The following HERC5 variants were observed in gnomAD, a reference collection of about 807,000 sequenced individuals.
HERC5 encodes HECT and RLD domain containing E3 ubiquitin protein ligase 5.
A neutral mutation model predicts 119.6 loss-of-function variants in HERC5; 99 were observed. The observed-to-expected ratio is 0.83, with a 90% CI of 0.70 to 0.98. The LOEUF is 0.98. Among genes scored for constraint, HERC5 ranks in the 50% least tolerant of loss-of-function variants. The pLI, the probability that HERC5 is intolerant of heterozygous loss-of-function variation, is 0.00. For synonymous variants in HERC5, 478 were observed against 445.9 expected (o/e 1.07, Z -0.91); for missense variants, 1,267 against 1,241.3 (o/e 1.02, Z -0.31).
At chr4:88,473,885 A>G (rs556705151) in intron 11 of HERC5, 2 of 152,304 alleles carry the variant, frequency 1.3e-5, no homozygotes, top group Non-Finnish European at 2.9e-5. Flanking sequence ...CAAAAAGAAC[A>G]TATGGTATGT....
intron 3 of HERC5, among the ~76,000 whole-genome samples, chr4:88,460,996 A>G (rs1404288823): frequency 1.3e-5 from 2 of 152,290 alleles, no homozygotes; most frequent in Admixed American, 1.3e-4. Flanking sequence ...TCTCAAAAAA[A>G]AAGAAACTTA....
chr4:88,472,416 A>G lies in HERC5; in HGVS notation c.1306A>G (p.Thr436Ala). ...TGSFLRKRRT[T>A]EMMPVYLDLN... ...TTTATCTTTCTTCTACAGAAGAACT[A>G]CAGAAATGATGCCTGTTTATTTGGA... The change falls in exon 11 of 23, where the codon ACA becomes GCA. Residue 436 changes from threonine to alanine, a missense_variant. Transcript: ENST00000264350. 1 of 1,572,284 alleles carries G rather than the reference A, an allele frequency of 6.4e-7. No homozygotes were observed. The highest frequency in any genetic ancestry group is 8.7e-7 in the Non-Finnish European group (1 of 1,146,472).
intron 5 of HERC5, 84 bp from the exon 6 acceptor site, chr4:88,463,767 CTATT>C: frequency 6.8e-7 from 1 of 1,469,374 alleles, no homozygotes; most frequent in Non-Finnish European, 9.4e-7. Context: ...TTTGACAGTG[CTATT>C]TATTAGTGAT....
In HERC5 at chr4:88,457,412, G is replaced by C; in HGVS notation, c.143G>C (p.Arg48Pro). Reference protein sequence around the residue: ...SAAGLHRALLRRVEVTRQLCC... With the variant: ...SAAGLHRALLPRVEVTRQLCC... ...GCGGGCCTCCACCGCGCGCTGCTCCGGAGGGTGGAGGTGACGCGCCAACTC... is the reference window on the plus strand; with the variant it reads ...GCGGGCCTCCACCGCGCGCTGCTCCCGAGGGTGGAGGTGACGCGCCAACTC... Residue 48 changes from arginine to proline, a missense_variant, in exon 1 of 23, where the codon CGG becomes CCG. Physicochemically the swap from Arg to Pro is moderately radical, Grantham distance 103. Transcript: ENST00000264350. 2 of 1,378,668 alleles carry C rather than the reference G, an allele frequency of 1.5e-6. No homozygotes were observed. Among genetic ancestry groups the C allele is most frequent in the Non-Finnish European group, 1.9e-6 (2 of 1,069,082 alleles). The allele number at this position is 1,378,668 out of a possible 1,614,324, so 85.4% of individuals were successfully genotyped here. A position where few individuals can be genotyped will look rare whatever the true frequency, so the allele number is the denominator to read the frequency against.
At chr4:88,491,508 G>A (rs530601685) in intron 16 of HERC5, among the ~76,000 whole-genome samples, 66 of 152,272 alleles carry the variant, frequency 4.3e-4, no homozygotes, top group African/African-American at 1.4e-3. Context: ...AAATAAAACC[G>A]TGAAGAGTGC....
At chr4:88,503,108 G>A (rs1236842863) in intron 20 of HERC5, among the ~76,000 whole-genome samples, 1 of 151,914 alleles carries the variant, frequency 6.6e-6, no homozygotes, top group African/African-American at 2.4e-5. Flanking sequence ...ATATTCCCCT[G>A]TATTTTCTTC....
chr4:88,463,825 A>G (rs1439904885), intron 5 of HERC5, 30 bp from the exon 6 acceptor site: 6 of 1,608,006 alleles, frequency 3.7e-6, no homozygotes, highest in Admixed American at 1.7e-5. Context: ...TTATTTTTCT[A>G]GCATCTGATA....
intron 10 of HERC5, among the ~76,000 whole-genome samples, chr4:88,471,873 C>CCTTT (rs1451936402): frequency 6.6e-6 from 1 of 151,662 alleles, no homozygotes; most frequent in South Asian, 2.1e-4. Flanking sequence ...TGTGGTCAGT[C>CCTTT]CTTTCTTCCT....
At chr4:88,469,713 T>A in intron 9 of HERC5, among the ~76,000 whole-genome samples, 1 of 152,230 alleles carries the variant, frequency 6.6e-6, no homozygotes, top group East Asian at 1.9e-4. Context: ...CTTTACTCAG[T>A]TTACCATTTT....
chr4:88,457,533 G>C lies in HERC5; in HGVS notation c.264G>C (p.Pro88=). ...CCGGGAGCGGCGGCGCCCGGACGCCGAGTGAGTGGGGCTGGTGTGTGAGGG... is the reference window on the plus strand; with the variant it reads ...CCGGGAGCGGCGGCGCCCGGACGCCCAGTGAGTGGGGCTGGTGTGTGAGGG... ...LLAGSGGART[P]KCIKLGKNMK... is the part of the protein sequence containing the mutation. The change falls in exon 1 of 23, where the codon CCG becomes CCC. Residue 88 remains proline, a splice_region_variant and synonymous_variant. Transcript: ENST00000264350. 1.6e-6 allele frequency: 2 copies of C among 1,267,924 alleles called. No homozygotes were observed. The highest frequency in any genetic ancestry group is 2.0e-6 in the Non-Finnish European group (2 of 1,006,426). The allele number at this position is 1,267,924 out of a possible 1,614,324, so 78.5% of individuals were successfully genotyped here.
intron 18 of HERC5, among the ~76,000 whole-genome samples, chr4:88,499,713 C>G (rs1477173567): frequency 6.6e-6 from 1 of 152,216 alleles, no homozygotes; most frequent in Non-Finnish European, 1.5e-5. Context: ...AGCAGGCAGG[C>G]AGCCTGCAGA....
rs1288908930 is a variant in HERC5 at position 88,497,527 on chromosome 4, C to T, written c.2445-2399C>T. On this transcript the variant is annotated intron_variant, in intron 18 of 22. Transcript: ENST00000264350. Reference sequence around the variant, plus strand: ...GTTTTGTGGAAAGTCAGATTCTTAACAATGAAATAGGATATTTGGCAGAAG... The same window carrying T: ...GTTTTGTGGAAAGTCAGATTCTTAATAATGAAATAGGATATTTGGCAGAAG... 2.6e-5 allele frequency among the ~76,000 whole-genome samples: 4 copies of T among 152,154 alleles called. No homozygotes were observed. In the East Asian group the frequency reaches 7.7e-4, roughly 29 times the overall value.
Position 88,479,488 on chromosome 4 carries a change from T to C in HERC5, c.1718T>C (p.Met573Thr). 1 of 1,603,454 alleles carries C rather than the reference T, an allele frequency of 6.2e-7. No homozygotes were observed. Among genetic ancestry groups the C allele is most frequent in the East Asian group, 2.2e-5 (1 of 44,704 alleles). Residue 573 changes from methionine to threonine, a missense_variant, in exon 13 of 23, where the codon ATG (methionine) becomes ACG (threonine). This residue lies in a region of HERC5 where 777 missense variants were observed against 758.0 expected (regional missense o/e 1.03). Transcript: ENST00000264350. The part of the protein sequence containing the change: ...ENGNVQALLE[M>T]LKKLHRVNQV... ...GGTAATGTTCAAGCTCTCCTAGAAATGTTGAAGAAGCTGCACAGGGTAAGA... is the reference window on the plus strand; with the variant it reads ...GGTAATGTTCAAGCTCTCCTAGAAACGTTGAAGAAGCTGCACAGGGTAAGA...
At chr4:88,458,252 G>C (rs369707936) in intron 1 of HERC5, 1 of 277,906 alleles carries the variant, frequency 3.6e-6, no homozygotes, top group African/African-American at 2.3e-5. Flanking sequence ...TTTGCCTTTT[G>C]TGCATGTTGT....
chr4:88,483,524 T>A, intron 13 of HERC5, among the ~76,000 whole-genome samples: 1 of 142,836 alleles, frequency 7.0e-6, no homozygotes. Flanking sequence ...ATAGGCTTTT[T>A]TTTTTTTTTT....
intron 3 of HERC5, among the ~76,000 whole-genome samples, 176 bp from the exon 4 acceptor site, chr4:88,461,959 C>T (rs1740457829): frequency 6.6e-6 from 1 of 152,090 alleles, no homozygotes; most frequent in African/African-American, 2.4e-5. Flanking sequence ...GTAACTGTCA[C>T]TGCTAAAGAG....
At chr4:88,473,276 T>G (rs2149093768) in intron 11 of HERC5, 1 of 152,216 alleles carries the variant, frequency 6.6e-6, no homozygotes, top group African/African-American at 2.4e-5. Flanking sequence ...CGCACTGTAG[T>G]TCCTTCTTTC....
chr4:88,468,255 G>A (rs536949057), intron 7 of HERC5, 91 bp from the exon 8 acceptor site: 7 of 902,340 alleles, frequency 7.8e-6, no homozygotes, highest in East Asian at 2.5e-5. Flanking sequence ...AGATGACTAC[G>A]TTTAAGAAGA....
intron 13 of HERC5, among the ~76,000 whole-genome samples, chr4:88,483,505 A>C (rs1317640376): frequency 7.2e-6 from 1 of 139,102 alleles, no homozygotes; most frequent in African/African-American, 2.7e-5. Context: ...AAGCCACCAC[A>C]CCGGCTCTAT....
Sources: allele counts gnomAD v4.1 joint callset (sites outside exome capture counted in the v4.1 genomes callset), GRCh38; gene constraint gnomAD v4.1.1; regional missense constraint gnomAD v4.1.1; transcripts MANE v1.5; gene names NCBI Gene and HGNC (gene_info 2026-07-23, HGNC 2026-07-21).